CDH2: variants seen among roughly 807,000 people sequenced by gnomAD.
CDH2 encodes cadherin 2.
CDH2 carries 17 observed loss-of-function variants against 92.0 expected under a neutral mutation model. The ratio of observed to expected loss-of-function variants is 0.18; its 90% confidence interval spans 0.13 to 0.28. CDH2 has a LOEUF of 0.28. Ranked by LOEUF, CDH2 falls within the 10% of genes least tolerant of loss-of-function variation. The pLI is 1.00. For missense variants in CDH2, 862 were observed against 1,133.1 expected (o/e 0.76, Z 3.44); for synonymous variants, 419 against 415.9 (o/e 1.01, Z -0.09).
rs565387570 is a variant in CDH2 at position 28,120,659 on chromosome 18, T to A, written c.172+27014A>T. ...AACAGTACTATAAAACACACAGATA[T>A]AAAAGGGAGGCATGATTTATGCCCA... On this transcript the variant is annotated intron_variant, in intron 2 of 15. Coordinates refer to ENST00000269141, the MANE Select transcript of CDH2 (RefSeq NM_001792.5). Among the ~76,000 whole-genome samples, 4 of 152,008 alleles carry A rather than the reference T, an allele frequency of 2.6e-5. No homozygotes were observed. In the South Asian group the frequency reaches 8.3e-4, roughly 32 times the overall value.
intron 2 of CDH2, among the ~76,000 whole-genome samples, chr18:28,038,934 C>T (rs1038080526): frequency 1.3e-5 from 2 of 152,130 alleles, no homozygotes; most frequent in African/African-American, 4.8e-5. Flanking sequence ...TGAGTACCTA[C>T]TGAATGCAAA....
intron 2 of CDH2, among the ~76,000 whole-genome samples, chr18:28,079,549 T>A (rs538680741): frequency 7.9e-5 from 12 of 152,326 alleles, no homozygotes; most frequent in African/African-American, 2.6e-4. Flanking sequence ...GAATGAAATT[T>A]TTTTCCTTTG....
chr18:28,087,864 G>A (rs2014963788), intron 2 of CDH2, among the ~76,000 whole-genome samples: 2 of 152,094 alleles, frequency 1.3e-5, no homozygotes, highest in Non-Finnish European at 2.9e-5. Context: ...TGGGAGCCCT[G>A]GGACCAAGAA....
chr18:28,054,666 G>A (rs1164206782), intron 2 of CDH2, among the ~76,000 whole-genome samples: 1 of 152,076 alleles, frequency 6.6e-6, no homozygotes, highest in Non-Finnish European at 1.5e-5. Context: ...CTATGACCTG[G>A]ACTGTTTCCC....
chr18:28,173,974 TTAAAA>T (rs1392359290), intron 1 of CDH2, among the ~76,000 whole-genome samples: 2 of 152,158 alleles, frequency 1.3e-5, no homozygotes, highest in South Asian at 2.1e-4. Context: ...GGCTAACATC[TTAAAA>T]TAAGACTAAA....
Position 28,177,057 on chromosome 18 carries a change from A to AGGAGGCGGCGGCGGCGGC in CDH2, c.-36_-35insGCCGCCGCCGCCGCCTCC, listed in dbSNP as rs542802421. ...GAGGGGCCGAGCGAAGAGCCGGAGG[A>AGGAGGCGGCGGCGGCGGC]GGCGGCGGCGGCGGCGGCGGCGGCG... On this transcript the variant is annotated 5_prime_UTR_variant, in exon 1 of 16. Transcript: ENST00000269141. The AGGAGGCGGCGGCGGCGGC allele has an allele frequency of 8.8e-5, 115 of 1,302,356 alleles. No individual in the cohort carries two copies. Among genetic ancestry groups the AGGAGGCGGCGGCGGCGGC allele is most frequent in the Non-Finnish European group, 1.0e-4 (99 of 962,362 alleles). The allele number at this position is 1,302,356 out of a possible 1,614,324, so 80.7% of individuals were successfully genotyped here. A position where few individuals can be genotyped will look rare whatever the true frequency, so the allele number is the denominator to read the frequency against.
At chr18:27,992,623 T>C (rs200593329) in intron 9 of CDH2, 32 bp downstream of exon 9, 7 of 1,579,990 alleles carry the variant, frequency 4.4e-6, no homozygotes, top group Admixed American at 1.7e-5. Context: ...TGAGCAGCTG[T>C]TGGAGAGATC....
intron 2 of CDH2, among the ~76,000 whole-genome samples, chr18:28,064,191 C>T (rs1798500690): frequency 6.6e-6 from 1 of 152,112 alleles, no homozygotes; most frequent in South Asian, 2.1e-4. Flanking sequence ...CTCAAAATGA[C>T]TCCCATCTCT....
At chr18:28,090,447 A>T (rs2015016051) in intron 2 of CDH2, among the ~76,000 whole-genome samples, 1 of 152,156 alleles carries the variant, frequency 6.6e-6, no homozygotes, top group South Asian at 2.1e-4. Flanking sequence ...GCCAGAAATG[A>T]CTGCACTATC....
intron 2 of CDH2, among the ~76,000 whole-genome samples, chr18:28,145,900 A>C (rs2016027621): frequency 6.6e-6 from 1 of 152,108 alleles, no homozygotes; most frequent in African/African-American, 2.4e-5. Flanking sequence ...TCTACCAGAG[A>C]CCATTATACA....
intron 2 of CDH2, among the ~76,000 whole-genome samples, chr18:28,134,344 C>T (rs963420279): frequency 1.3e-5 from 2 of 152,018 alleles, no homozygotes; most frequent in African/African-American, 2.4e-5. Context: ...TACCAACTAC[C>T]TGTCCCCTTC....
At chr18:28,016,571 T>C (rs534109543) in intron 2 of CDH2, among the ~76,000 whole-genome samples, 65 of 152,300 alleles carry the variant, frequency 4.3e-4, no homozygotes, top group African/African-American at 1.3e-3. Context: ...ATGTCACATG[T>C]TAACCTTAAA....
chr18:28,001,236 C>CT (rs1435797140), intron 7 of CDH2, among the ~76,000 whole-genome samples: 2 of 152,190 alleles, frequency 1.3e-5, no homozygotes, highest in South Asian at 2.1e-4. Context: ...CTTTCATCCT[C>CT]TAAACGAAAT....
At chr18:27,964,738 GA>G (rs1272111462) in intron 14 of CDH2, among the ~76,000 whole-genome samples, 1 of 152,150 alleles carries the variant, frequency 6.6e-6, no homozygotes, top group Non-Finnish European at 1.5e-5. Flanking sequence ...TAAGAGATGA[GA>G]AAACTGAGTT....
chr18:28,063,197 T>C (rs969082195), intron 2 of CDH2, among the ~76,000 whole-genome samples: 1 of 152,136 alleles, frequency 6.6e-6, no homozygotes, highest in African/African-American at 2.4e-5. Context: ...GAAAAAAAAT[T>C]ATTATGGGAC....
rs2144382206 is a variant in CDH2 at position 28,176,951 on chromosome 18, A to G, written c.60+12T>C. On this transcript the variant is annotated intron_variant, in intron 1 of 15. Coordinates refer to ENST00000269141, the MANE Select transcript of CDH2 (RefSeq NM_001792.5). The stretch of plus-strand genomic sequence containing the variant: ...CCCGCCCGTGGCCCGGCCCGCGGGG[A>G]CCGCCGCGTACCTGAAGCAGGGCCG... 2 of 1,295,990 alleles carry G rather than the reference A, an allele frequency of 1.5e-6. No individual in the cohort carries two copies. The highest frequency in any genetic ancestry group is 4.3e-5 in the South Asian group (2 of 47,040). The allele number at this position is 1,295,990 out of a possible 1,614,324, so 80.3% of individuals were successfully genotyped here. A position where few individuals can be genotyped will look rare whatever the true frequency, so the allele number is the denominator to read the frequency against.
Position 28,177,073 on chromosome 18 carries a change from G to T in CDH2, c.-51C>A. 1.4e-6 allele frequency: 2 copies of T among 1,380,762 alleles called. No homozygotes were observed. The highest frequency in any genetic ancestry group is 1.9e-6 in the Non-Finnish European group (2 of 1,028,556). The allele number at this position is 1,380,762 out of a possible 1,614,324, so 85.5% of individuals were successfully genotyped here. ...AGCCGGAGGAGGCGGCGGCGGCGGC[G>T]GCGGCGGCGGAGGAGGAGGAGGCAG... On this transcript the variant is annotated 5_prime_UTR_variant, in exon 1 of 16. Coordinates refer to ENST00000269141, the MANE Select transcript of CDH2 (RefSeq NM_001792.5).
intron 2 of CDH2, among the ~76,000 whole-genome samples, chr18:28,135,660 A>G (rs190297292): frequency 6.6e-6 from 1 of 152,360 alleles, no homozygotes; most frequent in East Asian, 1.9e-4. Context: ...TGACAAGTCA[A>G]CAAAGATGCC....
intron 15 of CDH2, among the ~76,000 whole-genome samples, chr18:27,961,193 G>T (rs952206145): frequency 3.3e-5 from 5 of 151,704 alleles, no homozygotes; most frequent in African/African-American, 1.2e-4. Flanking sequence ...GTGCCCAATA[G>T]CATCATGCCC....
Sources: gnomAD v4.1 joint callset for allele counts (sites outside exome capture counted in the v4.1 genomes callset) on GRCh38, gnomAD v4.1.1 for gene constraint, MANE v1.5 for transcripts, NCBI Gene and HGNC (gene_info 2026-07-23, HGNC 2026-07-21) for gene names.